NDFIP2: variants seen among roughly 807,000 people sequenced by gnomAD.
NDFIP2 encodes the protein NEDD4 family-interacting protein 2.
Under a neutral mutation model 36.0 loss-of-function variants are expected in NDFIP2, and 19 were observed. The observed-to-expected ratio is 0.53, with a 90% CI of 0.37 to 0.77. The LOEUF (loss-of-function observed/expected upper bound fraction) is 0.77, where lower values mean the gene tolerates loss of function less well. Ranked by LOEUF, NDFIP2 falls within the 30% of genes least tolerant of loss-of-function variation. The pLI, the probability that NDFIP2 is intolerant of heterozygous loss-of-function variation, is 0.00. For missense variants in NDFIP2, 446 were observed against 435.8 expected (o/e 1.02, Z -0.21); for synonymous variants, 181 against 167.7 (o/e 1.08, Z -0.61).
chr13:79,530,332 G>A (rs1029915798), intron 2 of NDFIP2, among the ~76,000 whole-genome samples: 7 of 152,052 alleles, frequency 4.6e-5, no homozygotes, highest in Admixed American at 6.6e-5. Context: ...GCCCAGGCAG[G>A]TCTCAAACTC....
intron 1 of NDFIP2, among the ~76,000 whole-genome samples, chr13:79,489,360 AG>A (rs1197978422): frequency 3.9e-5 from 6 of 152,350 alleles, no homozygotes; most frequent in Middle Eastern, 3.4e-3. Flanking sequence ...ACAGCATAGA[AG>A]GAAGAGGAAG....
At chr13:79,514,093 AC>A (rs1238593828) in intron 1 of NDFIP2, among the ~76,000 whole-genome samples, 1 of 152,120 alleles carries the variant, frequency 6.6e-6, no homozygotes, top group Non-Finnish European at 1.5e-5. Flanking sequence ...TCTTTATCCC[AC>A]CCATTTGGCT....
At chr13:79,530,279 A>T (rs573447461) in intron 2 of NDFIP2, among the ~76,000 whole-genome samples, 5 of 150,670 alleles carry the variant, frequency 3.3e-5, no homozygotes, top group South Asian at 2.1e-4. Flanking sequence ...ACAGCTATTT[A>T]AAAAAAAAAT....
intron 1 of NDFIP2, among the ~76,000 whole-genome samples, chr13:79,516,932 A>G (rs752326239): frequency 3.9e-5 from 6 of 152,238 alleles, no homozygotes; most frequent in Non-Finnish European, 5.9e-5. Flanking sequence ...AGGTTATTAT[A>G]TAGGATACAT....
At chr13:79,522,017 A>G (rs562210096) in intron 2 of NDFIP2, among the ~76,000 whole-genome samples, 158 of 151,970 alleles carry the variant, frequency 1.0e-3, no homozygotes, top group African/African-American at 3.6e-3. Context: ...CTTAGTAGAG[A>G]CAGGGTTTCA....
chr13:79,529,492 A>G (rs1874927825), intron 2 of NDFIP2, among the ~76,000 whole-genome samples: 1 of 152,170 alleles, frequency 6.6e-6, no homozygotes, highest in African/African-American at 2.4e-5. Context: ...CATTGTTTTT[A>G]CTTAGATTTT....
chr13:79,482,175 T>TC (rs200931624), intron 1 of NDFIP2, among the ~76,000 whole-genome samples: 41 of 105,030 alleles, frequency 3.9e-4, no homozygotes, highest in African/African-American at 1.0e-3. Context: ...CTTTCTTTTT[T>TC]TTTTTTTTTT....
chr13:79,495,374 C>T (rs563187400), intron 1 of NDFIP2, among the ~76,000 whole-genome samples: 1 of 151,982 alleles, frequency 6.6e-6, no homozygotes, highest in South Asian at 2.1e-4. Flanking sequence ...CTAAATTCTG[C>T]TCTCTTATGA....
Position 79,520,885 on chromosome 13 carries a change from G to T in NDFIP2, c.397G>T (p.Val133Leu), listed in dbSNP as rs748973342. 3.1e-6 allele frequency: 5 copies of T among 1,613,876 alleles called. No individual in the cohort carries two copies. The highest frequency in any genetic ancestry group is 4.2e-6 in the Non-Finnish European group (5 of 1,179,864). ...TACTTCAAACCCAGCACCGCAGATT[G>T]TGCAGGCTGCGTCTTCAGCACCAGC... Reference protein sequence around the residue: ...PPTSNPAPQIVQAASSAPALE... With the variant: ...PPTSNPAPQILQAASSAPALE... The change falls in exon 2 of 8, where the codon GTG (valine) becomes TTG (leucine). Residue 133 changes from valine to leucine, a missense_variant. Physicochemically the swap from Val to Leu is conservative, Grantham distance 32 (BLOSUM62 1). This residue lies in a region of NDFIP2 where 369 missense variants were observed against 304.8 expected (regional missense o/e 1.21). Transcript: ENST00000218652.
intron 1 of NDFIP2, among the ~76,000 whole-genome samples, chr13:79,508,476 G>A (rs943807125): frequency 6.6e-6 from 1 of 152,208 alleles, no homozygotes; most frequent in East Asian, 1.9e-4. Context: ...TTGATTATAT[G>A]CTAAACAATG....
In NDFIP2 at chr13:79,555,103, G is replaced by A. The variant is rs758604647; in HGVS notation, c.*2590G>A. ...ATAAGATATATTTCATTTTAGACAT[G>A]CCTTCTAAGTTGTTCACAGATTTTT... On this transcript the variant is annotated 3_prime_UTR_variant, in exon 8 of 8. Transcript: ENST00000218652. 6.6e-6 allele frequency: 1 copy of A among 151,386 alleles called. No individual in the cohort carries two copies. The highest frequency in any genetic ancestry group is 1.5e-5 in the Non-Finnish European group (1 of 67,726). The allele number at this position is 151,386 out of a possible 1,614,324, so 9.4% of individuals were successfully genotyped here.
chr13:79,481,406 C>T lies in NDFIP2; in HGVS notation c.203C>T (p.Thr68Met). 1 of 1,556,454 alleles carries T rather than the reference C, an allele frequency of 6.4e-7. No homozygotes were observed. Among genetic ancestry groups the T allele is most frequent in the African/African-American group, 1.4e-5 (1 of 73,742 alleles). Residue 68 changes from threonine to methionine, a missense_variant, in exon 1 of 8, where the codon ACG becomes ATG. Around this residue, in one of 2 missense-constraint regions of NDFIP2, gnomAD observed 369 missense variants for 304.8 expected, o/e 1.21. Transcript: ENST00000218652. The stretch of plus-strand genomic sequence containing the variant: ...GGCGGAAGGGGCCCTGCGGCGACGA[C>T]GTCGTCGACGGGGGTGGCCGTGGGA... ...NGGGRGPAAT[T>M]SSTGVAVGAE...
intron 1 of NDFIP2, among the ~76,000 whole-genome samples, chr13:79,516,870 G>A (rs1014047411): frequency 6.6e-5 from 10 of 152,020 alleles, no homozygotes; most frequent in Non-Finnish European, 1.3e-4. Flanking sequence ...CTTCTCAAAA[G>A]GAAAGCATCC....
rs1875986880 is a variant in NDFIP2, at chr13:79,553,548, G to A, written c.*1035G>A. 1 of 151,564 alleles carries A rather than the reference G, an allele frequency of 6.6e-6. No individual in the cohort carries two copies. Among genetic ancestry groups the A allele is most frequent in the African/African-American group, 2.4e-5 (1 of 41,390 alleles). 9.4% of individuals were successfully genotyped at this position (151,564 alleles called of 1,614,324 possible). A position where few individuals can be genotyped will look rare whatever the true frequency, so the allele number is the denominator to read the frequency against. ...AGTATCATTGTAATAATTTTTTAGA[G>A]TTTAATTTGTAAAGCTTAGCAAATA... On this transcript the variant is annotated 3_prime_UTR_variant, in exon 8 of 8. Coordinates refer to ENST00000218652, the MANE Select transcript of NDFIP2 (RefSeq NM_019080.3).
chr13:79,549,735 A>C lies in NDFIP2; in HGVS notation c.908-1282A>C, dbSNP rs573929919. Reference sequence around the variant, plus strand: ...CTTTAGAGACAAAGGAAGGGATCCCACAAATAAGTTGGTTTACATTTTTCA... The same window carrying C: ...CTTTAGAGACAAAGGAAGGGATCCCCCAAATAAGTTGGTTTACATTTTTCA... On this transcript the variant is annotated intron_variant, in intron 6 of 7. Transcript: ENST00000218652. Among the ~76,000 whole-genome samples, 55 of 152,056 alleles carry C rather than the reference A, an allele frequency of 3.6e-4. 1 individual carries two copies. The South Asian group carries it at 0.011, about 31-fold the overall frequency.
intron 6 of NDFIP2, 151 bp downstream of exon 6, chr13:79,548,545 T>C: frequency 3.3e-6 from 2 of 609,304 alleles, no homozygotes; most frequent in South Asian, 2.4e-5. Context: ...TAAACTATTC[T>C]ATATAGCACT....
chr13:79,504,340 T>A lies in NDFIP2; in HGVS notation c.322-16470T>A, dbSNP rs559855595. 5.3e-5 allele frequency among the ~76,000 whole-genome samples: 8 copies of A among 152,276 alleles called. No homozygotes were observed. The East Asian group carries it at 1.5e-3, about 29-fold the overall frequency. On this transcript the variant is annotated intron_variant, in intron 1 of 7. Coordinates refer to ENST00000218652, the MANE Select transcript of NDFIP2 (RefSeq NM_019080.3). ...TGTTTTCTGATGAGTTCTTTACCTGTATTTGTATATAAGTACATTTTTTCT... is the reference window on the plus strand; with the variant it reads ...TGTTTTCTGATGAGTTCTTTACCTGAATTTGTATATAAGTACATTTTTTCT...
chr13:79,539,282 G>A (rs1875368192), intron 3 of NDFIP2, among the ~76,000 whole-genome samples: 1 of 151,996 alleles, frequency 6.6e-6, no homozygotes, highest in South Asian at 2.1e-4. Context: ...GGATCATAGG[G>A]TATGCACATT....
chr13:79,521,511 A>C (rs1448398851), intron 2 of NDFIP2, among the ~76,000 whole-genome samples: 1 of 152,116 alleles, frequency 6.6e-6, no homozygotes, highest in Non-Finnish European at 1.5e-5. Context: ...ATTCTAAATA[A>C]CTTCTCTAAA....
Sources: gnomAD v4.1 joint callset for allele counts (sites outside exome capture counted in the v4.1 genomes callset) on GRCh38, gnomAD v4.1.1 for gene constraint, gnomAD v4.1.1 regional missense constraint, MANE v1.5 for transcripts, NCBI Gene and HGNC (gene_info 2026-07-23, HGNC 2026-07-21) for gene names.